ZNF124: variants seen among roughly 807,000 people sequenced by gnomAD.
ZNF124 encodes zinc finger protein HZF-16.
Under a neutral mutation model 26.6 loss-of-function variants are expected in ZNF124, and 25 were observed. The ratio of observed to expected loss-of-function variants is 0.94; its 90% confidence interval spans 0.68 to 1.31. ZNF124 has a LOEUF of 1.31. Among genes scored for constraint, ZNF124 ranks in the 40% most tolerant of loss-of-function variants. The pLI, the probability that ZNF124 is intolerant of heterozygous loss-of-function variation, is 0.00. For synonymous variants in ZNF124, 129 were observed against 133.3 expected (o/e 0.97, Z 0.22); for missense variants, 444 against 422.2 (o/e 1.05, Z -0.45).
intron 1 of ZNF124, among the ~76,000 whole-genome samples, chr1:247,161,797 G>A (rs544529474): frequency 6.6e-6 from 1 of 152,080 alleles, no homozygotes; most frequent in East Asian, 1.9e-4. Flanking sequence ...TTCTTTAGAA[G>A]AACAAAAATT....
At chr1:247,166,554 A>G (rs960475434) in intron 1 of ZNF124, among the ~76,000 whole-genome samples, 2 of 152,242 alleles carry the variant, frequency 1.3e-5, no homozygotes, top group African/African-American at 4.8e-5. Flanking sequence ...CATTTACAAA[A>G]TAAGCAGAAT....
In ZNF124 at chr1:247,122,962, C is replaced by G. The variant is rs577442144; in HGVS notation, c.*906G>C. ...GGCTTCCAACCTAATTCCCCATGAC[C>G]TATCAGCTTACTATTTCCTCCTGGT... On this transcript the variant is annotated 3_prime_UTR_variant, in exon 4 of 4. Coordinates refer to the ZNF124 transcript ENST00000472531. 6 of 152,204 alleles carry G rather than the reference C, an allele frequency of 3.9e-5. 1 individual carries two copies. Among genetic ancestry groups the G allele is most frequent in the Non-Finnish European group, 7.3e-5 (5 of 68,040 alleles). 9.4% of individuals were successfully genotyped at this position (152,204 alleles called of 1,614,324 possible).
intron 1 of ZNF124, among the ~76,000 whole-genome samples, chr1:247,167,401 T>G (rs1558394379): frequency 6.6e-6 from 1 of 152,186 alleles, no homozygotes; most frequent in African/African-American, 2.4e-5. Flanking sequence ...GGAAACAAAC[T>G]GATGTTTTGG....
exon 4 of ZNF124, chr1:247,121,984 C>G (rs187412512): frequency 6.6e-6 from 1 of 152,332 alleles, no homozygotes; most frequent in African/African-American, 2.4e-5. Context: ...ATACTTAATA[C>G]TCATTTTTAT....
intron 3 of ZNF124, among the ~76,000 whole-genome samples, chr1:247,127,603 G>A (rs1269429525): frequency 1.4e-5 from 2 of 145,336 alleles, no homozygotes; most frequent in Non-Finnish European, 3.0e-5. Context: ...GACCTGACCG[G>A]TTGTGTTATC....
Position 247,155,565 on chromosome 1 carries a change from C to CAGA in ZNF124, c.*998_*1000dup, listed in dbSNP as rs1673078277. 6.6e-6 allele frequency among the ~76,000 whole-genome samples: 1 copy of CAGA among 152,092 alleles called. No homozygotes were observed. The highest frequency in any genetic ancestry group is 1.5e-5 in the Non-Finnish European group (1 of 68,016). On this transcript the variant is annotated 3_prime_UTR_variant, in exon 4 of 4. Coordinates refer to ENST00000543802, the MANE Select transcript of ZNF124 (RefSeq NM_001297568.2). ...TGTACTACTGCTTGAAGAATACTTA[C>CAGA]AGAAGTCTTGCCTCAGCTGGGCGTG...
At chr1:247,135,296 C>G (rs936149314) in intron 3 of ZNF124, among the ~76,000 whole-genome samples, 1 of 151,802 alleles carries the variant, frequency 6.6e-6, no homozygotes, top group Non-Finnish European at 1.5e-5. Context: ...AGACCACTAG[C>G]TAGACTAATA....
At chr1:247,170,042 A>T (rs576060925) in intron 1 of ZNF124, among the ~76,000 whole-genome samples, 22 of 114,544 alleles carry the variant, frequency 1.9e-4, no homozygotes, top group African/African-American at 8.4e-4. Flanking sequence ...GGTCATCCTC[A>T]AACAGTTTTG....
intron 3 of ZNF124, among the ~76,000 whole-genome samples, chr1:247,141,059 C>T (rs1250825070): frequency 1.3e-5 from 2 of 152,100 alleles, no homozygotes; most frequent in Non-Finnish European, 2.9e-5. Flanking sequence ...CTCCTGGGGG[C>T]TCCACCCAAG....
At chr1:247,159,318 A>G (rs529560633) in intron 2 of ZNF124, among the ~76,000 whole-genome samples, 45 of 152,324 alleles carry the variant, frequency 3.0e-4, no homozygotes, top group Non-Finnish European at 6.2e-4. Flanking sequence ...AGGTTGTTAT[A>G]AAAGCAAGTT....
At chr1:247,159,888 G>A in intron 1 of ZNF124, 75 bp from the exon 2 acceptor site, 1 of 1,471,298 alleles carries the variant, frequency 6.8e-7, no homozygotes, top group Non-Finnish European at 9.1e-7. Flanking sequence ...TTTATAAGAT[G>A]TTCATCTGAT....
chr1:247,162,371 C>T (rs1481852144), intron 1 of ZNF124, among the ~76,000 whole-genome samples: 1 of 152,124 alleles, frequency 6.6e-6, no homozygotes, highest in Non-Finnish European at 1.5e-5. Context: ...ACCCATCTCA[C>T]ATGCAATGAC....
At chr1:247,170,549 T>C (rs1359149452) in intron 1 of ZNF124, among the ~76,000 whole-genome samples, 1 of 144,746 alleles carries the variant, frequency 6.9e-6, no homozygotes, top group African/African-American at 2.8e-5. Context: ...CAGGGCAAGC[T>C]GCAGACAAAA....
chr1:247,146,542 G>T (rs1452008736), intron 3 of ZNF124, among the ~76,000 whole-genome samples: 2 of 152,188 alleles, frequency 1.3e-5, no homozygotes, highest in Non-Finnish European at 2.9e-5. Context: ...CTATGAGTCA[G>T]ACACCCCAAA....
At chr1:247,151,627 C>T (rs925463121), downstream of ZNF124, among the ~76,000 whole-genome samples, 1 of 152,028 alleles carries the variant, frequency 6.6e-6, no homozygotes, top group Non-Finnish European at 1.5e-5. Flanking sequence ...GAGACGTAAA[C>T]ATACAACACA....
chr1:247,151,348 G>A (rs918200344), downstream of ZNF124, among the ~76,000 whole-genome samples: 14 of 151,986 alleles, frequency 9.2e-5, no homozygotes, highest in Non-Finnish European at 1.9e-4. Context: ...GCGTGGTGGC[G>A]GGCGCCTGTA....
intron 1 of ZNF124, among the ~76,000 whole-genome samples, chr1:247,161,027 A>G (rs73137984): frequency 0.029 from 4,457 of 152,322 alleles, 236 homozygotes; most frequent in African/African-American, 0.1. Context: ...CTTACAAATG[A>G]TATTTATGTA....
chr1:247,154,263 TAATG>T, downstream of ZNF124, among the ~76,000 whole-genome samples: 1 of 152,320 alleles, frequency 6.6e-6, no homozygotes, highest in Non-Finnish European at 1.5e-5. Flanking sequence ...GTTCTCATGA[TAATG>T]AGTGAGTCTC....
chr1:247,137,039 C>T (rs1672501978), intron 3 of ZNF124, among the ~76,000 whole-genome samples: 1 of 151,922 alleles, frequency 6.6e-6, no homozygotes, highest in Non-Finnish European at 1.5e-5. Context: ...ATCATGCTAC[C>T]TGACTTCAAA....
Sources: gnomAD v4.1 joint callset for allele counts (sites outside exome capture counted in the v4.1 genomes callset) on GRCh38, gnomAD v4.1.1 for gene constraint, MANE v1.5 for transcripts, NCBI Gene and HGNC (gene_info 2026-07-23, HGNC 2026-07-21) for gene names.